The following SORL1 variants were observed in gnomAD, a reference collection of about 807,000 sequenced individuals.
SORL1 encodes sortilin related receptor 1.
In SORL1, 127 loss-of-function variants were observed where a neutral mutation model predicts 273.7. The observed-to-expected ratio is 0.46, with a 90% CI of 0.40 to 0.54. The LOEUF (loss-of-function observed/expected upper bound fraction) is 0.54. Ranked by LOEUF, SORL1 falls within the 20% of genes least tolerant of loss-of-function variation. The pLI, the probability that SORL1 is intolerant of heterozygous loss-of-function variation, is 0.00. For missense variants in SORL1, 2,494 were observed against 2,846.1 expected, an observed-to-expected ratio of 0.88 and a Z score of 2.81; for synonymous variants, 1,031 against 1,067.4, an observed-to-expected ratio of 0.97 and a Z score of 0.66.
At chr11:121,529,719 T>A (rs190700760) in intron 11 of SORL1, among the ~76,000 whole-genome samples, 1 of 152,328 alleles carries the variant, frequency 6.6e-6, no homozygotes, top group East Asian at 1.9e-4. Flanking sequence ...GTGTTTCTTC[T>A]AGACAACATA....
At chr11:121,577,478 A>G in intron 25 of SORL1, 78 bp downstream of exon 25, 1 of 1,394,976 alleles carries the variant, frequency 7.2e-7, no homozygotes, top group Non-Finnish European at 9.5e-7. Flanking sequence ...AACGATCGGA[A>G]AATCTAGGCT....
chr11:121,522,733 G>T, intron 10 of SORL1, 30 bp downstream of exon 10: 1 of 1,565,214 alleles, frequency 6.4e-7, no homozygotes, highest in Non-Finnish European at 8.8e-7. Context: ...CTCAAAAGGG[G>T]TTCAGCTGTC....
At chr11:121,592,000 C>T (rs1216568099) in intron 31 of SORL1, among the ~76,000 whole-genome samples, 2 of 152,138 alleles carry the variant, frequency 1.3e-5, no homozygotes, top group East Asian at 1.9e-4. Flanking sequence ...TGAGTTTCCT[C>T]TTGTTCTCCT....
chr11:121,570,559 G>A (rs532320406), intron 23 of SORL1, among the ~76,000 whole-genome samples: 1 of 152,124 alleles, frequency 6.6e-6, no homozygotes, highest in South Asian at 2.1e-4. Flanking sequence ...AATTGATTTG[G>A]CAATCTGGGC....
rs1863628746 is a variant in SORL1, at chr11:121,615,623, A to G, written c.5604+568A>G. On this transcript the variant is annotated intron_variant, in intron 41 of 47. Transcript: ENST00000260197. ...TGGAAAAGCATACAGAAGTAAATTT[A>G]TAATAAGGAATTAGTAAATCCTTAG... is the stretch of plus-strand genomic sequence containing the variant. Among the ~76,000 whole-genome samples, 5 of 152,174 alleles carry G rather than the reference A, an allele frequency of 3.3e-5. 1 individual carries two copies. The highest frequency in any genetic ancestry group is 3.3e-4 in the Admixed American group (5 of 15,280).
chr11:121,454,935 C>T (rs1183470703), intron 1 of SORL1, among the ~76,000 whole-genome samples: 2 of 152,166 alleles, frequency 1.3e-5, no homozygotes, highest in African/African-American at 4.8e-5. Context: ...ATAGCACCCC[C>T]TTCACTCTCA....
In SORL1 at chr11:121,550,071, T is replaced by A; in HGVS notation, c.2163T>A (p.Thr721=). The change falls in exon 15 of 48, where the codon ACT becomes ACA. Residue 721 remains threonine (T), a synonymous_variant. Transcript: ENST00000260197. This position sits in a 1 kb window ranked among gnomAD's most constrained non-coding sequence, Gnocchi z 5.3. ...CTGTGCCTTGCCCTGTGGGTTCTAC[T>A]TACAGGAGAACGAGAGGGTATGTAT... The part of the protein sequence containing the change: ...SPPVPCPVGS[T]YRRTRGYRKI... 6.2e-7 allele frequency: 1 copy of A among 1,613,526 alleles called. No individual in the cohort carries two copies. Among genetic ancestry groups the A allele is most frequent in the Non-Finnish European group, 8.5e-7 (1 of 1,179,654 alleles).
intron 27 of SORL1, among the ~76,000 whole-genome samples, chr11:121,586,576 G>C (rs1318085091): frequency 6.6e-6 from 1 of 151,944 alleles, no homozygotes; most frequent in East Asian, 1.9e-4. Flanking sequence ...TCGAACTTCA[G>C]TGAAAGTTAT....
intron 36 of SORL1, 86 bp downstream of exon 36, chr11:121,607,043 G>T: frequency 8.6e-7 from 1 of 1,161,074 alleles, no homozygotes; most frequent in Non-Finnish European, 1.3e-6. Context: ...GGGTTGATTT[G>T]GTTTAGCTTT....
intron 6 of SORL1, among the ~76,000 whole-genome samples, chr11:121,505,013 C>A (rs934375677): frequency 7.9e-5 from 12 of 152,104 alleles, no homozygotes; most frequent in Admixed American, 6.5e-4. Flanking sequence ...GGATCTTTCT[C>A]ATATGTTAAA....
At chr11:121,453,025 T>C (rs970930231) in intron 1 of SORL1, 8 of 171,944 alleles carry the variant, frequency 4.7e-5, no homozygotes, top group African/African-American at 1.9e-4. Flanking sequence ...AGGTGGGGGT[T>C]TCCACACTTA....
At chr11:121,594,406 T>A (rs1412149762) in intron 31 of SORL1, among the ~76,000 whole-genome samples, 3 of 152,154 alleles carry the variant, frequency 2.0e-5, no homozygotes, top group Non-Finnish European at 4.4e-5. Context: ...CTTATTTTTT[T>A]GTTTAATCTT....
At chr11:121,491,337 T>C (rs1050493635) in intron 5 of SORL1, among the ~76,000 whole-genome samples, 1 of 152,206 alleles carries the variant, frequency 6.6e-6, no homozygotes, top group African/African-American at 2.4e-5. Flanking sequence ...GTAATATACT[T>C]ATCGTAATTT....
intron 13 of SORL1, among the ~76,000 whole-genome samples, chr11:121,543,953 C>T (rs1221506720): frequency 6.6e-6 from 1 of 152,202 alleles, no homozygotes; most frequent in Non-Finnish European, 1.5e-5. Flanking sequence ...CATGCAGTTC[C>T]TGGCACATAA....
intron 24 of SORL1, chr11:121,577,044 C>T (rs1446572682): frequency 2.4e-6 from 3 of 1,231,308 alleles, no homozygotes; most frequent in Admixed American, 4.0e-5. Flanking sequence ...AAGAGGCAAG[C>T]AGCTCTAAGG....
chr11:121,557,078 C>CT (rs1862598189), intron 18 of SORL1: 2 of 543,592 alleles, frequency 3.7e-6, no homozygotes, highest in South Asian at 2.5e-5. Flanking sequence ...GAAACTGGGG[C>CT]TTACATGGTT....
chr11:121,603,159 TG>T (rs1863419898), intron 32 of SORL1, among the ~76,000 whole-genome samples: 1 of 152,252 alleles, frequency 6.6e-6, no homozygotes, highest in Non-Finnish European at 1.5e-5. Flanking sequence ...AAAGTTGCTT[TG>T]TTACATAAGG....
chr11:121,501,168 T>G (rs1366158602), intron 6 of SORL1, among the ~76,000 whole-genome samples: 4 of 152,362 alleles, frequency 2.6e-5, no homozygotes, highest in Middle Eastern at 3.4e-3. Context: ...ATTTACAGAT[T>G]AAAAATAAAA....
At chr11:121,538,328 G>A (rs1862296321) in intron 12 of SORL1, among the ~76,000 whole-genome samples, 1 of 152,066 alleles carries the variant, frequency 6.6e-6, no homozygotes, top group African/African-American at 2.4e-5. Flanking sequence ...CCCCTTTCCA[G>A]TCAGTGCTCT....
Sources: allele counts gnomAD v4.1 joint callset (sites outside exome capture counted in the v4.1 genomes callset), GRCh38; gene constraint gnomAD v4.1.1; non-coding constraint Gnocchi (gnomAD v3.1); transcripts MANE v1.5; gene names NCBI Gene and HGNC (gene_info 2026-07-23, HGNC 2026-07-21).